The following TRIO variants were observed in gnomAD, a reference collection of about 807,000 sequenced individuals.
The protein encoded by TRIO is trio Rho guanine nucleotide exchange factor, also known as triple functional domain protein.
Under a neutral mutation model 351.9 loss-of-function variants are expected in TRIO, and 58 were observed. The ratio of observed to expected loss-of-function variants is 0.16; its 90% CI spans 0.13 to 0.21. TRIO has a LOEUF of 0.21. Ranked by LOEUF, TRIO falls within the 10% of genes least tolerant of loss-of-function variation. The pLI is 1.00. For missense variants in TRIO, 3,201 were observed against 4,027.8 expected (o/e 0.79, Z 5.56); for synonymous variants, 1,758 against 1,595.7 (o/e 1.10, Z -2.42).
At position 14,507,996 on chromosome 5, in the gene TRIO, T is replaced by G. The variant is rs1274118109; in HGVS notation, c.8868T>G (p.Pro2956=). Residue 2956 remains proline (P), a synonymous_variant, in exon 57 of 57, where the codon CCT becomes CCG. Transcript: ENST00000344204. ...ACATCCACCAGTTACTGGGGAACCC[T>G]GAATTCGCAGCCCCTGAAATCATCC... ...TYYIHQLLGN[P]EFAAPEIILG... The G allele has an allele frequency of 6.2e-7, 1 of 1,614,118 alleles. No individual in the cohort carries two copies. Among genetic ancestry groups the G allele is most frequent in the Non-Finnish European group, 8.5e-7 (1 of 1,180,052 alleles).
chr5:14,255,305 A>G (rs1390710553), intron 1 of TRIO, among the ~76,000 whole-genome samples: 1 of 152,188 alleles, frequency 6.6e-6, no homozygotes, highest in African/African-American at 2.4e-5. Context: ...GTAGAGATCC[A>G]CTGGCCTTGG....
chr5:14,403,728 G>A (rs1748418935), intron 31 of TRIO, among the ~76,000 whole-genome samples: 1 of 117,872 alleles, frequency 8.5e-6, no homozygotes, highest in Non-Finnish European at 1.8e-5. Flanking sequence ...GTTGTGGTGA[G>A]GGTGCAGGTG....
At chr5:14,387,250 C>A (rs1314442848) in intron 21 of TRIO, 188 bp from the exon 22 acceptor site, 7 of 548,716 alleles carry the variant, frequency 1.3e-5, no homozygotes, top group Admixed American at 6.2e-5. Context: ...TGTAGCAGAG[C>A]TGAGGAGAGA....
chr5:14,286,888 G>A lies in TRIO; in HGVS notation c.365G>A (p.Arg122His), dbSNP rs774892381. 4 of 1,613,112 alleles carry A rather than the reference G, an allele frequency of 2.5e-6. No individual in the cohort carries two copies. Among genetic ancestry groups the A allele is most frequent in the East Asian group, 2.2e-5 (1 of 44,870 alleles). The change falls in exon 4 of 57, where the codon CGT becomes CAT. Residue 122 changes from arginine (R) to histidine (H), a missense_variant. By Grantham distance (29) the Arg-to-His change is conservative. Coordinates refer to ENST00000344204, the MANE Select transcript of TRIO (RefSeq NM_007118.4). This position sits in a 1 kb window ranked among gnomAD's most constrained non-coding sequence, Gnocchi z 4.4. ...CTCTGCAGCGAGGAGGTCTGCAAGC[G>A]TGGCTTCACGGTGATCGTGGACATG... ...ACIPSEEVCK[R>H]GFTVIVDMRG... is the part of the protein sequence containing the mutation.
At chr5:14,246,756 T>G (rs538507135) in intron 1 of TRIO, among the ~76,000 whole-genome samples, 1 of 152,354 alleles carries the variant, frequency 6.6e-6, no homozygotes, top group East Asian at 1.9e-4. Flanking sequence ...AACACTCTTT[T>G]GACTCAGCCA....
intron 1 of TRIO, among the ~76,000 whole-genome samples, chr5:14,177,221 A>C (rs1287244239): frequency 2.0e-5 from 3 of 152,178 alleles, no homozygotes; most frequent in African/African-American, 7.2e-5. Flanking sequence ...TATACGTGAG[A>C]AAACTCTTAC....
At chr5:14,182,490 C>A (rs1246249718) in intron 1 of TRIO, among the ~76,000 whole-genome samples, 1 of 152,144 alleles carries the variant, frequency 6.6e-6, no homozygotes, top group Non-Finnish European at 1.5e-5. Flanking sequence ...TTCTTCTTGT[C>A]CATAGACATA....
intron 1 of TRIO, among the ~76,000 whole-genome samples, chr5:14,157,185 T>A (rs1371822813): frequency 6.6e-6 from 1 of 152,166 alleles, no homozygotes. Context: ...CTTGAAAGAC[T>A]GTTGCTTACT....
chr5:14,275,304 T>G (rs1432847333), intron 2 of TRIO, among the ~76,000 whole-genome samples: 1 of 152,178 alleles, frequency 6.6e-6, no homozygotes, highest in Non-Finnish European at 1.5e-5. Flanking sequence ...ATGTATGCTA[T>G]TAGAAATCTA....
At chr5:14,351,532 GA>G (rs1743111584) in intron 11 of TRIO, among the ~76,000 whole-genome samples, 1 of 152,188 alleles carries the variant, frequency 6.6e-6, no homozygotes, top group Non-Finnish European at 1.5e-5. Flanking sequence ...TAGGGAAACA[GA>G]TACCAATGGC....
chr5:14,385,858 A>T (rs532779160), intron 21 of TRIO, among the ~76,000 whole-genome samples: 1 of 152,190 alleles, frequency 6.6e-6, no homozygotes, highest in African/African-American at 2.4e-5. Flanking sequence ...TTATCTTTTT[A>T]TCTTCACTTC....
intron 1 of TRIO, among the ~76,000 whole-genome samples, chr5:14,209,142 C>T (rs959701497): frequency 3.3e-5 from 5 of 152,112 alleles, no homozygotes; most frequent in Admixed American, 2.6e-4. Flanking sequence ...GGGCTAGTGC[C>T]GATAACTTAC....
chr5:14,433,608 A>G (rs1006989860), intron 34 of TRIO, among the ~76,000 whole-genome samples: 2 of 152,194 alleles, frequency 1.3e-5, no homozygotes, highest in Non-Finnish European at 2.9e-5. Context: ...ATGACATTTC[A>G]GGGGCCCAGC....
chr5:14,172,284 G>C (rs537436064), intron 1 of TRIO, among the ~76,000 whole-genome samples: 1 of 152,342 alleles, frequency 6.6e-6, no homozygotes, highest in African/African-American at 2.4e-5. Flanking sequence ...ACTTGCCCCT[G>C]AGAAGCAGGA....
At position 14,397,063 on chromosome 5, in the gene TRIO, G is replaced by C; in HGVS notation, c.4332G>C (p.Glu1444Asp). ...LLLKELLTCC[E>D]EGKGEIKDGL... is the part of the protein sequence containing the mutation. ...TGCAGGAGCTGCTGACGTGCTGTGAGGAAGGAAAGGGAGAGATTAAAGATG... is the reference window on the plus strand; with the variant it reads ...TGCAGGAGCTGCTGACGTGCTGTGACGAAGGAAAGGGAGAGATTAAAGATG... The change falls in exon 29 of 57, where the codon GAG becomes GAC. Residue 1444 changes from glutamate to aspartate, a missense_variant. Around this residue, in one of 19 missense-constraint regions of TRIO, gnomAD observed 115 missense variants for 239.6 expected, o/e 0.48. Transcript: ENST00000344204. 6.2e-7 allele frequency: 1 copy of C among 1,607,424 alleles called. No individual in the cohort carries two copies.
intron 1 of TRIO, among the ~76,000 whole-genome samples, chr5:14,225,717 C>T (rs1307197081): frequency 2.0e-5 from 3 of 151,430 alleles, no homozygotes; most frequent in Non-Finnish European, 4.4e-5. Context: ...GGGAAGTCTC[C>T]CTTTTGATGA....
intron 1 of TRIO, among the ~76,000 whole-genome samples, chr5:14,211,812 TTAAAG>T (rs1486220907): frequency 6.6e-6 from 1 of 151,658 alleles, no homozygotes; most frequent in Non-Finnish European, 1.5e-5. Context: ...ATATAGTAGA[TTAAAG>T]TAAATTAGTG....
At chr5:14,333,607 T>G (rs1741109100) in intron 10 of TRIO, among the ~76,000 whole-genome samples, 1 of 152,232 alleles carries the variant, frequency 6.6e-6, no homozygotes, top group African/African-American at 2.4e-5. Flanking sequence ...TCCTTCTTTT[T>G]CCTATCTGTT....
chr5:14,405,483 A>G (rs756672764), intron 31 of TRIO, among the ~76,000 whole-genome samples: 1 of 152,146 alleles, frequency 6.6e-6, no homozygotes, highest in African/African-American at 2.4e-5. Context: ...TATGCCCCCT[A>G]CTGACCAGTG....
Sources: gnomAD v4.1 joint callset for allele counts (sites outside exome capture counted in the v4.1 genomes callset) on GRCh38, gnomAD v4.1.1 for gene constraint, gnomAD v4.1.1 regional missense constraint, Gnocchi (gnomAD v3.1) non-coding constraint, MANE v1.5 for transcripts, NCBI Gene and HGNC (gene_info 2026-07-23, HGNC 2026-07-21) for gene names.